PGPEP1L: variants seen among roughly 807,000 people sequenced by gnomAD.
PGPEP1L encodes pyroglutamyl-peptidase 1-like protein.
Under a neutral mutation model 6.0 loss-of-function variants are expected in PGPEP1L, and 7 were observed. The ratio of observed to expected loss-of-function variants is 1.17; its 90% CI spans 0.66 to 2.19. PGPEP1L has a LOEUF of 2.19. PGPEP1L is among the 30% of genes most tolerant of loss of function. The pLI is 0.00. For missense variants in PGPEP1L, 209 were observed against 192.5 expected, an observed-to-expected ratio of 1.09 and a Z score of -0.51; for synonymous variants, 103 against 83.9, an observed-to-expected ratio of 1.23 and a Z score of -1.24.
chr15:98,993,111 C>G (rs1205238751), intron 2 of PGPEP1L, among the ~76,000 whole-genome samples: 2 of 152,152 alleles, frequency 1.3e-5, no homozygotes, highest in African/African-American at 4.8e-5. Flanking sequence ...CAAATGGGAT[C>G]TAATTAAACT....
At chr15:98,984,292 G>T (rs1252110384) in intron 2 of PGPEP1L, among the ~76,000 whole-genome samples, 1 of 152,180 alleles carries the variant, frequency 6.6e-6, no homozygotes, top group Non-Finnish European at 1.5e-5. Context: ...TTACAGGCCT[G>T]AGCCACCGTG....
chr15:99,001,163 G>A (rs782553496), intron 2 of PGPEP1L: 52 of 444,904 alleles, frequency 1.2e-4, no homozygotes, highest in East Asian at 5.4e-4. Context: ...TGGACACGCC[G>A]CCTTTAAGAA....
At chr15:98,978,970 C>T (rs11631503) in intron 2 of PGPEP1L, among the ~76,000 whole-genome samples, 134,866 of 151,408 alleles carry the variant, frequency 0.89, 60,479 homozygotes, top group South Asian at 0.94. Flanking sequence ...CCTCGTGATC[C>T]GCCCACCTTG....
In PGPEP1L at chr15:98,969,503, G is replaced by A. The variant is rs755360202; in HGVS notation, c.131C>T (p.Ser44Leu). The A allele has an allele frequency of 6.2e-6, 10 of 1,613,942 alleles. No homozygotes were observed. Among genetic ancestry groups the A allele is most frequent in the Non-Finnish European group, 8.5e-6 (10 of 1,179,916 alleles). Residue 44 changes from serine to leucine, a missense_variant, in exon 4 of 5, where the codon TCA (serine) becomes TTA (leucine). Ser to Leu is a moderately radical substitution (Grantham distance 145). Transcript: ENST00000535714. ...CLPGSPDVLE[S>L]GVCMKAVCKR... is the part of the protein sequence containing the mutation. ...GCAGACTGCCTTCATGCAGACCCCT[G>A]ACTCCAGCACGTCTGGGCTGCCAGG...
At chr15:98,994,917 C>G (rs1033017303) in intron 2 of PGPEP1L, among the ~76,000 whole-genome samples, 5 of 152,168 alleles carry the variant, frequency 3.3e-5, no homozygotes, top group Admixed American at 1.3e-4. Flanking sequence ...GCCTTTGAGA[C>G]ATTTACTCTA....
At chr15:98,981,341 T>A (rs951852319) in intron 2 of PGPEP1L, among the ~76,000 whole-genome samples, 9 of 151,602 alleles carry the variant, frequency 5.9e-5, no homozygotes, top group African/African-American at 1.9e-4. Flanking sequence ...AAATACAAAG[T>A]TAGCCGGGCG....
At chr15:98,979,633 CTTTTTTTTTTTTTTTTTTTT>C (rs568793204) in intron 2 of PGPEP1L, among the ~76,000 whole-genome samples, 2 of 46,468 alleles carry the variant, frequency 4.3e-5, no homozygotes, top group Admixed American at 6.1e-4. Flanking sequence ...GGAGACTATT[CTTTTTTTTTTTTTTTTTTTT>C]TTTTTTTTTT....
At chr15:98,976,123 A>T (rs75199140) in intron 2 of PGPEP1L, among the ~76,000 whole-genome samples, 39 of 152,270 alleles carry the variant, frequency 2.6e-4, no homozygotes, top group African/African-American at 8.7e-4. Flanking sequence ...GGGACAATGG[A>T]AAGTTCTAGA....
At chr15:99,002,393 G>A (rs1204907689) in intron 2 of PGPEP1L, among the ~76,000 whole-genome samples, 1 of 152,170 alleles carries the variant, frequency 6.6e-6, no homozygotes, top group African/African-American at 2.4e-5. Flanking sequence ...GGGTGTGGCT[G>A]TAAAGAGCTA....
At chr15:98,972,877 A>AAAAAC in intron 2 of PGPEP1L, among the ~76,000 whole-genome samples, 1 of 64,014 alleles carries the variant, frequency 1.6e-5, no homozygotes, top group Non-Finnish European at 3.0e-5. Context: ...CGTCTCAAAA[A>AAAAAC]AAAAAAAAAA....
intron 2 of PGPEP1L, among the ~76,000 whole-genome samples, chr15:98,983,384 AATT>A (rs1228881436): frequency 6.6e-6 from 1 of 152,138 alleles, no homozygotes; most frequent in Non-Finnish European, 1.5e-5. Flanking sequence ...GGCAAAGAGA[AATT>A]ATTCTGCATG....
chr15:98,995,420 G>A lies in PGPEP1L; in HGVS notation c.-142+10009C>T, dbSNP rs111395955. On this transcript the variant is annotated intron_variant, in intron 2 of 4. Coordinates refer to ENST00000535714, the MANE Select transcript of PGPEP1L (RefSeq NM_001167902.2). ...CCATTTAAAGCCTACAATTCAGGCC[G>A]GGTGCAGTGGCTCACACCTGTAATC... 3.2e-3 allele frequency among the ~76,000 whole-genome samples: 486 copies of A among 152,220 alleles called. 3 individuals are homozygous for A. Among genetic ancestry groups the A allele is most frequent in the African/African-American group, 9.4e-3 (389 of 41,502 alleles).
rs565615631 is a variant in PGPEP1L, at chr15:98,986,906, C to T, written c.-141-15748G>A. Among the ~76,000 whole-genome samples the T allele has an allele frequency of 8.5e-5, 13 of 152,174 alleles. No homozygotes were observed. The South Asian group carries it at 2.7e-3, about 32-fold the overall frequency. On this transcript the variant is annotated intron_variant, in intron 2 of 4. Transcript: ENST00000535714. ...AATTTAGGCTGGGCATGGTGGCTCA[C>T]ACCTGTAATCCCAGCACTTTGGGAG...
At chr15:98,999,743 GAAGA>G in intron 2 of PGPEP1L, among the ~76,000 whole-genome samples, 2 of 152,362 alleles carry the variant, frequency 1.3e-5, no homozygotes, top group African/African-American at 4.8e-5. Context: ...CTCAGCAGTG[GAAGA>G]GAGAAGTAGA....
At chr15:98,983,514 G>C (rs546849306) in intron 2 of PGPEP1L, among the ~76,000 whole-genome samples, 4 of 152,168 alleles carry the variant, frequency 2.6e-5, no homozygotes, top group Admixed American at 2.6e-4. Context: ...AAAAACCCTT[G>C]TTTTATTTGC....
chr15:98,994,676 T>TGAGAAAGACAGTG (rs2017864163), intron 2 of PGPEP1L, among the ~76,000 whole-genome samples: 1 of 152,214 alleles, frequency 6.6e-6, no homozygotes, highest in Non-Finnish European at 1.5e-5. Context: ...CTACCCCTCC[T>TGAGAAAGACAGTG]TGCATTTCAC....
Position 98,968,432 on chromosome 15 carries a change from T to C in PGPEP1L, c.*46A>G. On this transcript the variant is annotated 3_prime_UTR_variant, in exon 5 of 5. Transcript: ENST00000535714. Reference sequence around the variant, plus strand: ...TCTCAATGCACAGTTGAGTGCTACATACAGGATTGAAACATTCAATTTTCT... The same window carrying C: ...TCTCAATGCACAGTTGAGTGCTACACACAGGATTGAAACATTCAATTTTCT... 1 of 1,567,652 alleles carries C rather than the reference T, an allele frequency of 6.4e-7. No homozygotes were observed.
At chr15:99,002,537 G>A (rs1222389877) in intron 2 of PGPEP1L, among the ~76,000 whole-genome samples, 4 of 152,150 alleles carry the variant, frequency 2.6e-5, no homozygotes, top group Admixed American at 1.3e-4. Context: ...TTATACCAAT[G>A]TCAATATCCT....
intron 2 of PGPEP1L, among the ~76,000 whole-genome samples, chr15:98,991,546 C>T (rs2017819985): frequency 6.6e-6 from 1 of 152,184 alleles, no homozygotes; most frequent in Admixed American, 6.5e-5. Flanking sequence ...GGAGCTGGTA[C>T]CATTCCTTCT....
Sources: gnomAD v4.1 joint callset for allele counts (sites outside exome capture counted in the v4.1 genomes callset) on GRCh38, gnomAD v4.1.1 for gene constraint, MANE v1.5 for transcripts, NCBI Gene and HGNC (gene_info 2026-07-23, HGNC 2026-07-21) for gene names.